The following ZNF385D variants were observed in gnomAD, a reference collection of about 807,000 sequenced individuals.
ZNF385D encodes the protein zinc finger protein 659.
In ZNF385D, 15 loss-of-function variants were observed where a neutral mutation model predicts 35.8. That is an observed-to-expected ratio of 0.42 (90% confidence interval 0.28 to 0.64). The LOEUF is 0.64. Ranked by LOEUF, ZNF385D falls within the 30% of genes least tolerant of loss-of-function variation. ZNF385D has a pLI of 0.23. For missense variants in ZNF385D, 474 were observed against 494.6 expected (o/e 0.96, Z 0.39); for synonymous variants, 212 against 186.8 (o/e 1.13, Z -1.10).
At chr3:22,191,277 C>T (rs1041633558) in intron 2 of ZNF385D, among the ~76,000 whole-genome samples, 7 of 151,984 alleles carry the variant, frequency 4.6e-5, no homozygotes, top group South Asian at 4.2e-4. Flanking sequence ...GATCACCTGA[C>T]GTCAGGGGTT....
intron 3 of ZNF385D, among the ~76,000 whole-genome samples, chr3:22,164,431 G>A (rs772796585): frequency 5.9e-5 from 9 of 151,518 alleles, no homozygotes; most frequent in Non-Finnish European, 1.3e-4. Flanking sequence ...GTTTCACCAT[G>A]TTTGCCAGGA....
chr3:22,162,193 T>G (rs758529536), intron 3 of ZNF385D, among the ~76,000 whole-genome samples: 20 of 152,154 alleles, frequency 1.3e-4, no homozygotes, highest in Non-Finnish European at 2.4e-4. Context: ...TAAAACACAT[T>G]GTGCATATTT....
At chr3:21,845,432 C>T (rs1695946699) in intron 3 of ZNF385D, among the ~76,000 whole-genome samples, 1 of 152,000 alleles carries the variant, frequency 6.6e-6, no homozygotes, top group South Asian at 2.1e-4. Flanking sequence ...CCTTCTCTTT[C>T]TTCTCTTTAA....
chr3:21,554,432 C>G (rs2062665411), intron 3 of ZNF385D, among the ~76,000 whole-genome samples: 1 of 152,116 alleles, frequency 6.6e-6, no homozygotes, highest in African/African-American at 2.4e-5. Flanking sequence ...ATCCAGCCTT[C>G]TTGTTGCATT....
intron 2 of ZNF385D, among the ~76,000 whole-genome samples, chr3:22,346,507 G>A (rs145479512): frequency 1.6e-4 from 25 of 152,132 alleles, no homozygotes; most frequent in African/African-American, 5.3e-4. Flanking sequence ...AACAACTTAC[G>A]AGTTTACAAA....
intron 4 of ZNF385D, among the ~76,000 whole-genome samples, chr3:21,466,728 A>G (rs192300981): frequency 6.6e-6 from 1 of 152,232 alleles, no homozygotes; most frequent in African/African-American, 2.4e-5. Flanking sequence ...AGCTAGTTTT[A>G]TTTCCTCTGA....
chr3:22,041,509 C>A (rs1698660849), intron 3 of ZNF385D, among the ~76,000 whole-genome samples: 2 of 152,092 alleles, frequency 1.3e-5, no homozygotes, highest in Non-Finnish European at 2.9e-5. Context: ...TTTTAAAATA[C>A]AGAATGTGGA....
intron 3 of ZNF385D, among the ~76,000 whole-genome samples, chr3:22,142,886 A>G (rs1443271017): frequency 6.6e-6 from 1 of 152,074 alleles, no homozygotes; most frequent in African/African-American, 2.4e-5. Context: ...TACCCCATAA[A>G]GAATAGCAAT....
chr3:22,093,148 G>A (rs989342536), intron 3 of ZNF385D, among the ~76,000 whole-genome samples: 8 of 151,756 alleles, frequency 5.3e-5, no homozygotes, highest in Non-Finnish European at 1.0e-4. Context: ...TAAAGAGTTA[G>A]AAAAACACCC....
At chr3:21,438,586 T>C (rs796100393) in intron 4 of ZNF385D, among the ~76,000 whole-genome samples, 6 of 152,140 alleles carry the variant, frequency 3.9e-5, no homozygotes, top group African/African-American at 1.4e-4. Flanking sequence ...GAAACACTAG[T>C]CAATAAAAAG....
At chr3:21,448,302 C>G (rs1702262887) in intron 4 of ZNF385D, among the ~76,000 whole-genome samples, 1 of 151,820 alleles carries the variant, frequency 6.6e-6, no homozygotes, top group African/African-American at 2.4e-5. Flanking sequence ...TTTTTTTAAC[C>G]AATAATCTTT....
chr3:22,019,102 C>T (rs1697072208), intron 3 of ZNF385D, among the ~76,000 whole-genome samples: 2 of 110,450 alleles, frequency 1.8e-5, no homozygotes, highest in African/African-American at 7.2e-5. Context: ...TTCTGGCTTG[C>T]TTCAAGAGCC....
At chr3:21,553,788 A>T (rs1337956896) in intron 3 of ZNF385D, among the ~76,000 whole-genome samples, 1 of 152,174 alleles carries the variant, frequency 6.6e-6, no homozygotes, top group Non-Finnish European at 1.5e-5. Flanking sequence ...CAGCATCTTC[A>T]TCAGCAGTAG....
rs180810010 is a variant in ZNF385D, at chr3:21,504,424, C to T, written c.439+6437G>A. The stretch of plus-strand genomic sequence containing the variant: ...TATACACAAATACAAAAGTCTAAAG[C>T]TTTACCATGCTTCAATCCAAGAACA... On this transcript the variant is annotated intron_variant, in intron 4 of 7. Transcript: ENST00000281523. Among the ~76,000 whole-genome samples the T allele has an allele frequency of 7.2e-4, 110 of 152,228 alleles. 1 individual carries two copies. In the Middle Eastern group the frequency reaches 0.024, roughly 33 times the overall value.
chr3:21,985,562 A>G (rs368401780), intron 3 of ZNF385D, among the ~76,000 whole-genome samples: 5,808 of 100,882 alleles, frequency 0.058, 205 homozygotes, highest in Middle Eastern at 0.13. Context: ...TGCTGGATTC[A>G]GTTTGCCAGT....
chr3:21,732,226 A>AT (rs1334853766), intron 1 of ZNF385D, among the ~76,000 whole-genome samples: 1 of 150,424 alleles, frequency 6.6e-6, no homozygotes, highest in Non-Finnish European at 1.5e-5. Context: ...ATTTTTTTGT[A>AT]TTTTTAGTAG....
chr3:21,800,588 C>T (rs185076606), intron 3 of ZNF385D, among the ~76,000 whole-genome samples: 3 of 152,270 alleles, frequency 2.0e-5, no homozygotes, highest in East Asian at 3.9e-4. Context: ...GCTCAGGCAA[C>T]AGAGTGAGAC....
chr3:21,487,381 G>A (rs1705112621), intron 4 of ZNF385D, among the ~76,000 whole-genome samples: 1 of 151,872 alleles, frequency 6.6e-6, no homozygotes, highest in Admixed American at 6.6e-5. Context: ...CAATATAAAT[G>A]TTAGAGGGGC....
At chr3:21,523,974 AT>A (rs1315586273) in intron 3 of ZNF385D, among the ~76,000 whole-genome samples, 2 of 152,216 alleles carry the variant, frequency 1.3e-5, no homozygotes, top group African/African-American at 4.8e-5. Flanking sequence ...ATGAGTAATC[AT>A]TTGGCTAATA....
Sources: gnomAD v4.1 joint callset for allele counts (sites outside exome capture counted in the v4.1 genomes callset) on GRCh38, gnomAD v4.1.1 for gene constraint, MANE v1.5 for transcripts, NCBI Gene and HGNC (gene_info 2026-07-23, HGNC 2026-07-21) for gene names.